PRKG1: variants seen among roughly 807,000 people sequenced by gnomAD.
The protein encoded by PRKG1 is protein kinase cGMP-dependent 1, also known as cGMP-dependent protein kinase 1.
In PRKG1, 35 loss-of-function variants were observed where a neutral mutation model predicts 88.1. That is an observed-to-expected ratio of 0.40 (90% CI 0.30 to 0.53). The LOEUF is 0.53. Ranked by LOEUF, PRKG1 falls within the 20% of genes least tolerant of loss-of-function variation. The pLI, the probability that PRKG1 is intolerant of heterozygous loss-of-function variation, is 0.59. For missense variants in PRKG1, 540 were observed against 839.8 expected, an observed-to-expected ratio of 0.64 and a Z score of 4.41; for synonymous variants, 303 against 292.5, an observed-to-expected ratio of 1.04 and a Z score of -0.37.
At chr10:52,283,303 C>T (rs890997104) in intron 14 of PRKG1, among the ~76,000 whole-genome samples, 2 of 151,836 alleles carry the variant, frequency 1.3e-5, no homozygotes, top group Non-Finnish European at 2.9e-5. Flanking sequence ...TAGAGTAGGG[C>T]AAGGGCAATG....
intron 1 of PRKG1, among the ~76,000 whole-genome samples, chr10:51,151,411 C>T (rs893608401): frequency 6.6e-6 from 1 of 151,960 alleles, no homozygotes; most frequent in African/African-American, 2.4e-5. Flanking sequence ...TCGGTCTTCA[C>T]ATATAAACCT....
intron 5 of PRKG1, among the ~76,000 whole-genome samples, chr10:51,932,671 A>G (rs909119823): frequency 1.3e-5 from 2 of 152,158 alleles, no homozygotes; most frequent in Admixed American, 6.5e-5. Flanking sequence ...GGACTGTGAC[A>G]GGACATTTGG....
intron 10 of PRKG1, among the ~76,000 whole-genome samples, chr10:52,257,060 G>A (rs1398400073): frequency 7.2e-6 from 1 of 139,244 alleles, no homozygotes; most frequent in African/African-American, 2.5e-5. Context: ...CACCTCAGTT[G>A]GGCATAATAA....
At chr10:51,658,270 A>G (rs111634116) in intron 3 of PRKG1, among the ~76,000 whole-genome samples, 71 of 152,216 alleles carry the variant, frequency 4.7e-4, no homozygotes, top group Non-Finnish European at 5.4e-4. Flanking sequence ...CGCCATATCT[A>G]TTGACAAAGG....
At chr10:51,340,423 T>C (rs1841979160) in intron 2 of PRKG1, among the ~76,000 whole-genome samples, 1 of 152,188 alleles carries the variant, frequency 6.6e-6, no homozygotes, top group Non-Finnish European at 1.5e-5. Flanking sequence ...GTTTAATCTA[T>C]GTTAAGATTG....
At chr10:51,839,614 G>A (rs1840218041) in intron 4 of PRKG1, among the ~76,000 whole-genome samples, 1 of 152,244 alleles carries the variant, frequency 6.6e-6, no homozygotes, top group Non-Finnish European at 1.5e-5. Flanking sequence ...AGATAGCCAT[G>A]ATAAGCAGGA....
chr10:51,698,513 G>C lies in PRKG1; in HGVS notation c.593-106072G>C, dbSNP rs970863062. The C allele has an allele frequency of 2.5e-6, 4 of 1,614,044 alleles. No individual in the cohort carries two copies. In the African/African-American group the frequency reaches 5.3e-5, roughly 22 times the overall value. On this transcript the variant is annotated intron_variant, in intron 3 of 17. Transcript: ENST00000373980. ...ATAACCTCTGGGCTCCACTTCTCCA[G>C]TGACTGAAAGCAAAGTCCCTCCACG...
intron 1 of PRKG1, among the ~76,000 whole-genome samples, chr10:51,122,430 T>C (rs1376429665): frequency 1.3e-5 from 2 of 152,192 alleles, no homozygotes; most frequent in Non-Finnish European, 2.9e-5. Flanking sequence ...GGCTAAGTGA[T>C]GTTAGCCCTG....
In PRKG1 at chr10:52,224,836, T is replaced by TATACATAC. The variant is rs1168693557; in HGVS notation, c.1077-26722_1077-26715dup. Among the ~76,000 whole-genome samples the TATACATAC allele has an allele frequency of 3.3e-5, 3 of 89,880 alleles. No homozygotes were observed. The South Asian group carries it at 1.3e-3, about 40-fold the overall frequency. 59.0% of individuals were successfully genotyped at this position (89,880 alleles called of 152,430 possible). ...ATATATATATATATATATATATATA[T>TATACATAC]ATACATACATACATACATATCTCAC... On this transcript the variant is annotated intron_variant, in intron 9 of 17. Transcript: ENST00000373980.
intron 5 of PRKG1, among the ~76,000 whole-genome samples, chr10:51,971,139 T>C (rs1843705638): frequency 6.6e-6 from 1 of 151,914 alleles, no homozygotes; most frequent in African/African-American, 2.4e-5. Context: ...TAGCATTAGA[T>C]GTCAGAATAG....
intron 3 of PRKG1, among the ~76,000 whole-genome samples, chr10:51,475,302 C>T (rs1375602900): frequency 1.3e-5 from 2 of 151,958 alleles, no homozygotes; most frequent in Non-Finnish European, 2.9e-5. Context: ...GCAGCATCAG[C>T]ATCACCTAGG....
intron 5 of PRKG1, among the ~76,000 whole-genome samples, chr10:51,981,690 C>T (rs1844015223): frequency 6.6e-6 from 1 of 152,156 alleles, no homozygotes; most frequent in Non-Finnish European, 1.5e-5. Flanking sequence ...CCCTGTTAGT[C>T]TTATGGGCTT....
intron 3 of PRKG1, among the ~76,000 whole-genome samples, chr10:51,626,486 T>C (rs562161691): frequency 1.3e-5 from 2 of 152,204 alleles, no homozygotes; most frequent in African/African-American, 4.8e-5. Context: ...AAGTTATTTT[T>C]TGAAATCCTA....
intron 5 of PRKG1, among the ~76,000 whole-genome samples, chr10:51,994,528 C>T (rs143112592): frequency 2.6e-5 from 4 of 152,250 alleles, no homozygotes; most frequent in East Asian, 3.9e-4. Flanking sequence ...TTCATCTCTG[C>T]GATAAGGCTA....
At chr10:51,531,637 CTTTTTTTTT>C (rs34091409) in intron 3 of PRKG1, among the ~76,000 whole-genome samples, 201 of 67,856 alleles carry the variant, frequency 3.0e-3, no homozygotes, top group Non-Finnish European at 4.1e-3. Context: ...AAAAAGAATT[CTTTTTTTTT>C]TTTTTTTTTT....
rs184848174 is a variant in PRKG1, at chr10:51,494,547, C to T, written c.592+26711C>T. Among the ~76,000 whole-genome samples the T allele has an allele frequency of 2.6e-5, 4 of 152,284 alleles. No individual in the cohort carries two copies. In the East Asian group the frequency reaches 7.7e-4, roughly 29 times the overall value. ...ATGGTGAGAATGGAGTTGCAGAGAACTGTAATTAACTGTCCAGAACAAATG... is the reference window on the plus strand; with the variant it reads ...ATGGTGAGAATGGAGTTGCAGAGAATTGTAATTAACTGTCCAGAACAAATG... On this transcript the variant is annotated intron_variant, in intron 3 of 17. Transcript: ENST00000373980.
chr10:51,364,662 A>T (rs1047352579), intron 2 of PRKG1, among the ~76,000 whole-genome samples: 11 of 151,906 alleles, frequency 7.2e-5, no homozygotes, highest in Non-Finnish European at 1.3e-4. Flanking sequence ...GGATTTATAT[A>T]AAAAAATTTC....
chr10:51,953,691 A>G (rs1843237712), intron 5 of PRKG1, among the ~76,000 whole-genome samples: 1 of 152,000 alleles, frequency 6.6e-6, no homozygotes, highest in African/African-American at 2.4e-5. Flanking sequence ...AACATTCTCC[A>G]TGGAAACACC....
At chr10:51,774,102 C>T (rs1838374777) in intron 3 of PRKG1, among the ~76,000 whole-genome samples, 1 of 152,048 alleles carries the variant, frequency 6.6e-6, no homozygotes, top group Non-Finnish European at 1.5e-5. Flanking sequence ...CTCTGTTTGG[C>T]TACTTTCTGG....
Sources: gnomAD v4.1 joint callset for allele counts (sites outside exome capture counted in the v4.1 genomes callset) on GRCh38, gnomAD v4.1.1 for gene constraint, MANE v1.5 for transcripts, NCBI Gene and HGNC (gene_info 2026-07-23, HGNC 2026-07-21) for gene names.